The following TRPM3 variants were observed in gnomAD, a reference collection of about 807,000 sequenced individuals.
TRPM3 encodes the protein long transient receptor potential channel 3.
Under a neutral mutation model 181.2 loss-of-function variants are expected in TRPM3, and 77 were observed. The ratio of observed to expected loss-of-function variants is 0.42; its 90% CI spans 0.35 to 0.51. The LOEUF (loss-of-function observed/expected upper bound fraction) is 0.51. Among genes scored for constraint, TRPM3 ranks in the 20% least tolerant of loss-of-function variants. The pLI, the probability that TRPM3 is intolerant of heterozygous loss-of-function variation, is 0.01. For synonymous variants in TRPM3, 745 were observed against 796.4 expected (o/e 0.94, Z 1.09); for missense variants, 1,759 against 2,196.7 (o/e 0.80, Z 3.98).
At chr9:71,273,437 T>C (rs2083956268) in intron 1 of TRPM3, among the ~76,000 whole-genome samples, 1 of 152,226 alleles carries the variant, frequency 6.6e-6, no homozygotes. Context: ...TCTTCTATTC[T>C]CTTTCACCTC....
chr9:71,017,879 T>C (rs2097797479), intron 1 of TRPM3, among the ~76,000 whole-genome samples: 1 of 151,892 alleles, frequency 6.6e-6, no homozygotes, highest in African/African-American at 2.4e-5. Flanking sequence ...GTTGCATATA[T>C]GTTCTTTCCA....
At chr9:70,604,862 G>C (rs2060724809) in intron 19 of TRPM3, among the ~76,000 whole-genome samples, 1 of 151,924 alleles carries the variant, frequency 6.6e-6, no homozygotes, top group Non-Finnish European at 1.5e-5. Flanking sequence ...TGGCCAGGCT[G>C]ATCTCAAACT....
intron 1 of TRPM3, among the ~76,000 whole-genome samples, chr9:70,975,028 T>C (rs962651929): frequency 6.6e-6 from 1 of 151,924 alleles, no homozygotes; most frequent in Non-Finnish European, 1.5e-5. Context: ...TCACCACATC[T>C]GGCTAATTTT....
chr9:71,045,526 T>C (rs1463892911), intron 1 of TRPM3, among the ~76,000 whole-genome samples: 1 of 152,188 alleles, frequency 6.6e-6, no homozygotes, highest in African/African-American at 2.4e-5. Context: ...TAAATATTTG[T>C]GTACTGAATA....
chr9:71,383,291 T>A lies in TRPM3; in HGVS notation c.183+63362A>T, dbSNP rs116382929. ...AAATATGTATCATTTCTGGTGGTAC[T>A]GGACATCTTGTGTTTGCCCTTCCAG... On this transcript the variant is annotated intron_variant, in intron 1 of 24. Coordinates refer to the TRPM3 transcript ENST00000357533. 5.9e-3 allele frequency among the ~76,000 whole-genome samples: 898 copies of A among 152,282 alleles called. 12 individuals are homozygous for A. The highest frequency in any genetic ancestry group is 0.021 in the African/African-American group (861 of 41,550).
chr9:71,347,680 C>A (rs1246023952), intron 1 of TRPM3, among the ~76,000 whole-genome samples: 2 of 152,050 alleles, frequency 1.3e-5, no homozygotes, highest in Non-Finnish European at 2.9e-5. Flanking sequence ...CTTTGGGAGC[C>A]TGATGGATCG....
chr9:70,974,864 T>A (rs1015092367), intron 1 of TRPM3, among the ~76,000 whole-genome samples: 2 of 107,636 alleles, frequency 1.9e-5, no homozygotes, highest in East Asian at 2.8e-4. Flanking sequence ...GGAACATCAA[T>A]TTTTTTTTTT....
chr9:71,252,593 A>G (rs1050051048), intron 1 of TRPM3, among the ~76,000 whole-genome samples: 1 of 152,136 alleles, frequency 6.6e-6, no homozygotes, highest in African/African-American at 2.4e-5. Context: ...GCATTCAGGG[A>G]GCTAAGAGGA....
intron 1 of TRPM3, among the ~76,000 whole-genome samples, chr9:71,134,905 A>G (rs919067965): frequency 9.2e-5 from 14 of 152,212 alleles, no homozygotes; most frequent in Non-Finnish European, 1.8e-4. Flanking sequence ...GTACTAAATC[A>G]GTTGGGGAAA....
At chr9:70,688,274 G>T (rs2067509063) in intron 8 of TRPM3, among the ~76,000 whole-genome samples, 1 of 145,038 alleles carries the variant, frequency 6.9e-6, no homozygotes, top group Non-Finnish European at 1.5e-5. Flanking sequence ...AAAGACTGCT[G>T]ATGTCACACT....
intron 1 of TRPM3, among the ~76,000 whole-genome samples, chr9:71,114,946 A>G (rs573041770): frequency 6.6e-6 from 1 of 152,280 alleles, no homozygotes; most frequent in East Asian, 1.9e-4. Context: ...AAATACAGAG[A>G]AATGATCATA....
At chr9:70,964,774 T>C (rs1054594773) in intron 1 of TRPM3, among the ~76,000 whole-genome samples, 3 of 152,142 alleles carry the variant, frequency 2.0e-5, no homozygotes, top group African/African-American at 7.2e-5. Context: ...TTTCCAAAGA[T>C]TCTGCTTAGG....
chr9:70,844,672 G>T (rs1178085675), intron 4 of TRPM3, among the ~76,000 whole-genome samples: 1 of 152,144 alleles, frequency 6.6e-6, no homozygotes, highest in East Asian at 1.9e-4. Flanking sequence ...CCTCACTTTG[G>T]GTATTGGATT....
intron 1 of TRPM3, among the ~76,000 whole-genome samples, chr9:70,867,583 A>G (rs935895994): frequency 2.0e-5 from 3 of 152,116 alleles, no homozygotes; most frequent in African/African-American, 7.2e-5. Flanking sequence ...GCAAAGTCAC[A>G]GAAAATTGGG....
chr9:70,908,336 T>A (rs895968228), intron 1 of TRPM3, among the ~76,000 whole-genome samples: 3 of 152,180 alleles, frequency 2.0e-5, no homozygotes, highest in African/African-American at 7.2e-5. Flanking sequence ...ATCATTTCAA[T>A]AGAAAGGTAG....
chr9:71,145,680 T>C (rs1424521434), intron 1 of TRPM3, among the ~76,000 whole-genome samples: 3 of 152,122 alleles, frequency 2.0e-5, no homozygotes, highest in Non-Finnish European at 4.4e-5. Context: ...GTTAGTATAC[T>C]ATTCTGAGTA....
intron 1 of TRPM3, among the ~76,000 whole-genome samples, chr9:70,942,127 A>G (rs1345738186): frequency 2.0e-5 from 3 of 152,180 alleles, no homozygotes; most frequent in Non-Finnish European, 4.4e-5. Context: ...ACAATTGGCC[A>G]CCTTTCAACT....
chr9:71,251,187 G>A (rs1235999910), intron 1 of TRPM3, among the ~76,000 whole-genome samples: 1 of 152,062 alleles, frequency 6.6e-6, no homozygotes, highest in East Asian at 1.9e-4. Flanking sequence ...CATTAATATT[G>A]GTGGATGGCA....
At chr9:71,446,562 G>A (rs2094207031) in intron 1 of TRPM3, 1 of 1,345,730 alleles carries the variant, frequency 7.4e-7, no homozygotes, top group Non-Finnish European at 1.0e-6. Context: ...CTCACCCTTA[G>A]GGAGGCAAGT....
Sources: allele counts gnomAD v4.1 joint callset (sites outside exome capture counted in the v4.1 genomes callset), GRCh38; gene constraint gnomAD v4.1.1; transcripts MANE v1.5; gene names NCBI Gene and HGNC (gene_info 2026-07-23, HGNC 2026-07-21).